MCPH1: variants seen among roughly 807,000 people sequenced by gnomAD.
MCPH1 encodes the protein microcephalin.
MCPH1 carries 104 observed loss-of-function variants against 84.5 expected under a neutral mutation model. The observed-to-expected ratio is 1.23, with a 90% CI of 1.05 to 1.45. The LOEUF is 1.45. Ranked by LOEUF, MCPH1 falls within the 40% of genes most tolerant of loss-of-function variation. The probability of loss-of-function intolerance (pLI) is 0.00; values close to 1 mark genes in which losing one functional copy is unlikely to be tolerated. For missense variants in MCPH1, 1,498 were observed against 1,005.7 expected (o/e 1.49, Z -6.62); for synonymous variants, 514 against 366.8 (o/e 1.40, Z -4.58).
intron 12 of MCPH1, among the ~76,000 whole-genome samples, chr8:6,599,881 G>C (rs951518523): frequency 6.6e-6 from 1 of 152,158 alleles, no homozygotes; most frequent in Admixed American, 6.5e-5. Flanking sequence ...ACAAGATGAG[G>C]GAAACCAAAG....
chr8:6,566,583 G>C (rs1826169474), intron 12 of MCPH1, among the ~76,000 whole-genome samples: 1 of 152,260 alleles, frequency 6.6e-6, no homozygotes, highest in African/African-American at 2.4e-5. Flanking sequence ...TGTGTGATCA[G>C]CAAGGCCGTG....
At chr8:6,571,843 A>G (rs1383350902) in intron 12 of MCPH1, among the ~76,000 whole-genome samples, 1 of 152,200 alleles carries the variant, frequency 6.6e-6, no homozygotes, top group Admixed American at 6.5e-5. Flanking sequence ...AAGAATTATA[A>G]TAAATAGTTA....
chr8:6,562,287 C>G (rs766236092), intron 12 of MCPH1, among the ~76,000 whole-genome samples: 14 of 152,116 alleles, frequency 9.2e-5, no homozygotes, highest in African/African-American at 1.2e-4. Flanking sequence ...AGCTGAGAGC[C>G]TCCCTGGTGA....
chr8:6,420,645 C>T (rs1190521229), intron 3 of MCPH1, among the ~76,000 whole-genome samples: 1 of 152,212 alleles, frequency 6.6e-6, no homozygotes, highest in African/African-American at 2.4e-5. Flanking sequence ...CAAAATCGAT[C>T]TCTCATAGAT....
intron 12 of MCPH1, among the ~76,000 whole-genome samples, chr8:6,569,288 C>G (rs796688664): frequency 2.2e-4 from 33 of 152,294 alleles, no homozygotes; most frequent in African/African-American, 7.9e-4. Context: ...TATAGTGATT[C>G]CTTTATATGC....
chr8:6,511,685 A>G (rs1424431048), intron 12 of MCPH1, among the ~76,000 whole-genome samples: 2 of 152,278 alleles, frequency 1.3e-5, no homozygotes, highest in South Asian at 4.1e-4. Context: ...TTTCGATGTA[A>G]TATCTATTTT....
intron 12 of MCPH1, among the ~76,000 whole-genome samples, chr8:6,587,454 A>G (rs1229033698): frequency 4.6e-5 from 7 of 152,182 alleles, no homozygotes; most frequent in African/African-American, 2.4e-5. Context: ...GCTTTTGGCA[A>G]TTGTATACAG....
chr8:6,429,554 A>G (rs1801538190), intron 3 of MCPH1, among the ~76,000 whole-genome samples: 2 of 147,954 alleles, frequency 1.4e-5, no homozygotes, highest in Non-Finnish European at 3.0e-5. Context: ...GTTTGATTTC[A>G]TTTCCCCAGA....
intron 7 of MCPH1, among the ~76,000 whole-genome samples, chr8:6,443,661 C>T (rs1803839025): frequency 6.6e-6 from 1 of 152,176 alleles, no homozygotes; most frequent in Admixed American, 6.5e-5. Context: ...CAGTATGATG[C>T]ATGATGGTGT....
intron 6 of MCPH1, among the ~76,000 whole-genome samples, chr8:6,441,767 AC>A (rs1233299410): frequency 6.6e-6 from 1 of 152,158 alleles, no homozygotes; most frequent in African/African-American, 2.4e-5. Flanking sequence ...ATCTGCTGGG[AC>A]CCCAACGTCA....
rs61085695 is a variant in MCPH1 at position 6,449,695 on chromosome 8, T to G, written c.1825+4148T>G. 1.2e-3 allele frequency among the ~76,000 whole-genome samples: 183 copies of G among 151,940 alleles called. 3 individuals are homozygous for G. In the East Asian group the frequency reaches 0.03, roughly 25 times the overall value. On this transcript the variant is annotated intron_variant, in intron 8 of 13. Coordinates refer to ENST00000344683, the MANE Select transcript of MCPH1 (RefSeq NM_024596.5). The stretch of plus-strand genomic sequence containing the variant: ...TTGCTCTTGCACTCAGTCTGAAAAG[T>G]GCTGCTGTAGTTTGGGCTCAGGAAG...
intron 3 of MCPH1, among the ~76,000 whole-genome samples, chr8:6,426,518 G>T (rs1168994364): frequency 2.6e-5 from 4 of 152,206 alleles, no homozygotes; most frequent in African/African-American, 9.6e-5. Context: ...TGTAGCAGTG[G>T]TTTCACTTCC....
chr8:6,426,552 T>C (rs1281071425), intron 3 of MCPH1, among the ~76,000 whole-genome samples: 2 of 152,274 alleles, frequency 1.3e-5, no homozygotes, highest in South Asian at 2.1e-4. Flanking sequence ...TAGTATTCTA[T>C]TGTAGGCATG....
chr8:6,629,598 C>T (rs1797006952), intron 13 of MCPH1, among the ~76,000 whole-genome samples: 1 of 152,242 alleles, frequency 6.6e-6, no homozygotes, highest in Non-Finnish European at 1.5e-5. Flanking sequence ...TCAGGAGAAA[C>T]TAACCCCTGT....
chr8:6,632,617 G>A (rs1295474982), intron 13 of MCPH1, among the ~76,000 whole-genome samples: 1 of 152,124 alleles, frequency 6.6e-6, no homozygotes, highest in Non-Finnish European at 1.5e-5. Flanking sequence ...AGACCATCCT[G>A]GCTAACACAG....
intron 8 of MCPH1, among the ~76,000 whole-genome samples, chr8:6,451,387 C>A (rs1039782327): frequency 6.6e-6 from 1 of 152,182 alleles, no homozygotes; most frequent in Non-Finnish European, 1.5e-5. Context: ...AAAGCTCTGT[C>A]CCTTGCTTTA....
intron 9 of MCPH1, 103 bp downstream of exon 9, chr8:6,455,355 TA>T: frequency 1.2e-6 from 1 of 851,166 alleles, no homozygotes; most frequent in Non-Finnish European, 1.9e-6. Context: ...ACTTGTCTTT[TA>T]TTCTAAAAAA....
intron 9 of MCPH1, among the ~76,000 whole-genome samples, chr8:6,461,040 T>A (rs1253059145): frequency 6.6e-6 from 1 of 152,140 alleles, no homozygotes; most frequent in Non-Finnish European, 1.5e-5. Flanking sequence ...AAGACAGCAG[T>A]AAGAGGCCAA....
intron 12 of MCPH1, among the ~76,000 whole-genome samples, chr8:6,609,842 C>A (rs1350230046): frequency 7.0e-6 from 1 of 142,012 alleles, no homozygotes; most frequent in Non-Finnish European, 1.5e-5. Flanking sequence ...ACACAGACTG[C>A]CAGGTAAACC....
Sources: allele counts gnomAD v4.1 joint callset (sites outside exome capture counted in the v4.1 genomes callset), GRCh38; gene constraint gnomAD v4.1.1; transcripts MANE v1.5; gene names NCBI Gene and HGNC (gene_info 2026-07-23, HGNC 2026-07-21).